CFAP299: variants seen among roughly 807,000 people sequenced by gnomAD.
The protein encoded by CFAP299 is cilia and flagella associated protein 299, also known as cilia- and flagella-associated protein 299.
Under a neutral mutation model 27.0 loss-of-function variants are expected in CFAP299, and 21 were observed. That is an observed-to-expected ratio of 0.78 (90% CI 0.55 to 1.12). The LOEUF (loss-of-function observed/expected upper bound fraction) is 1.12. Among genes scored for constraint, CFAP299 ranks in the 50% most tolerant of loss-of-function variants. CFAP299 has a pLI of 0.00. For synonymous variants in CFAP299, 104 were observed against 98.1 expected (o/e 1.06, Z -0.36); for missense variants, 310 against 276.6 (o/e 1.12, Z -0.86).
chr4:80,661,190 G>T (rs369554273), intron 3 of CFAP299, among the ~76,000 whole-genome samples: 11 of 152,072 alleles, frequency 7.2e-5, no homozygotes, highest in East Asian at 5.8e-4. Flanking sequence ...ATCGGATGTG[G>T]TTGCGTGCTC....
chr4:80,915,895 A>G (rs1280184579), intron 4 of CFAP299, among the ~76,000 whole-genome samples: 2 of 151,958 alleles, frequency 1.3e-5, no homozygotes, highest in Non-Finnish European at 2.9e-5. Context: ...TATCAAATAT[A>G]TATTAGGTGT....
chr4:80,828,167 A>AT (rs961097358), intron 3 of CFAP299, among the ~76,000 whole-genome samples: 45 of 150,840 alleles, frequency 3.0e-4, no homozygotes, highest in Admixed American at 1.1e-3. Flanking sequence ...TTGCAATGAC[A>AT]TTTTTTTTTG....
intron 1 of CFAP299, among the ~76,000 whole-genome samples, chr4:80,353,560 C>T (rs1219773188): frequency 2.0e-5 from 3 of 152,184 alleles, no homozygotes; most frequent in African/African-American, 7.2e-5. Flanking sequence ...TTGAGTATGC[C>T]ATGCTTTCTG....
At chr4:80,959,536 A>G (rs546132858) in intron 5 of CFAP299, among the ~76,000 whole-genome samples, 1 of 152,246 alleles carries the variant, frequency 6.6e-6, no homozygotes, top group African/African-American at 2.4e-5. Context: ...AACTTCTCAT[A>G]AAGCATATAA....
intron 5 of CFAP299, among the ~76,000 whole-genome samples, chr4:80,954,932 G>A (rs969893860): frequency 3.4e-4 from 47 of 136,268 alleles, no homozygotes; most frequent in Admixed American, 3.3e-3. Context: ...CCCAGGAGAC[G>A]GAGCTTGCAG....
intron 2 of CFAP299, among the ~76,000 whole-genome samples, chr4:80,425,055 T>C (rs1727468437): frequency 6.6e-6 from 1 of 152,076 alleles, no homozygotes; most frequent in Non-Finnish European, 1.5e-5. Flanking sequence ...ACAAGCCCTC[T>C]AAGACATACG....
intron 3 of CFAP299, among the ~76,000 whole-genome samples, chr4:80,781,110 G>T (rs1560748221): frequency 6.6e-6 from 1 of 152,042 alleles, no homozygotes; most frequent in East Asian, 1.9e-4. Context: ...GAAAAATTCA[G>T]TTGCCTTCTA....
intron 2 of CFAP299, chr4:80,386,988 C>A: frequency 9.4e-7 from 1 of 1,066,740 alleles, no homozygotes; most frequent in South Asian, 1.2e-5. Context: ...CTTGAACCTG[C>A]CCCCACTGCG....
chr4:80,347,568 T>C (rs1722796921), intron 1 of CFAP299, among the ~76,000 whole-genome samples: 1 of 152,110 alleles, frequency 6.6e-6, no homozygotes, highest in South Asian at 2.1e-4. Flanking sequence ...AGAATAGAGC[T>C]AACAAGGAAA....
chr4:80,423,567 G>C (rs905059131), intron 2 of CFAP299, among the ~76,000 whole-genome samples: 7 of 152,164 alleles, frequency 4.6e-5, no homozygotes, highest in Non-Finnish European at 1.0e-4. Flanking sequence ...CTCTCTGGGA[G>C]CTCTCTGACC....
At chr4:80,800,218 T>G (rs1378927856) in intron 3 of CFAP299, among the ~76,000 whole-genome samples, 1 of 72,884 alleles carries the variant, frequency 1.4e-5, no homozygotes, top group East Asian at 4.7e-4. Context: ...ATAATATATA[T>G]TATAATATAT....
At chr4:80,957,944 G>A (rs1219869227) in intron 5 of CFAP299, among the ~76,000 whole-genome samples, 1 of 152,112 alleles carries the variant, frequency 6.6e-6, no homozygotes, top group Non-Finnish European at 1.5e-5. Flanking sequence ...GTCACCTTAA[G>A]TTTGCATTGT....
intron 3 of CFAP299, among the ~76,000 whole-genome samples, chr4:80,779,117 G>T (rs1375118931): frequency 6.6e-6 from 1 of 152,038 alleles, no homozygotes; most frequent in African/African-American, 2.4e-5. Context: ...AAAAACACCT[G>T]ATGTACAAAG....
At chr4:80,523,619 T>A (rs1733026515) in intron 2 of CFAP299, among the ~76,000 whole-genome samples, 1 of 152,062 alleles carries the variant, frequency 6.6e-6, no homozygotes. Flanking sequence ...TAGAAAAAAA[T>A]ATGAAGGAAG....
intron 3 of CFAP299, among the ~76,000 whole-genome samples, chr4:80,760,429 A>G (rs1286038195): frequency 2.0e-5 from 3 of 152,174 alleles, no homozygotes; most frequent in African/African-American, 7.2e-5. Flanking sequence ...CTTTCCCACC[A>G]TATGTAACCA....
chr4:80,596,415 G>A (rs1204106561), intron 3 of CFAP299, among the ~76,000 whole-genome samples: 1 of 152,168 alleles, frequency 6.6e-6, no homozygotes, highest in Non-Finnish European at 1.5e-5. Context: ...GAGCAATATA[G>A]AATAATACTG....
At chr4:80,705,986 TA>T (rs778348330) in intron 3 of CFAP299, among the ~76,000 whole-genome samples, 4 of 151,804 alleles carry the variant, frequency 2.6e-5, no homozygotes, top group African/African-American at 9.7e-5. Context: ...TTTTGAATTG[TA>T]AAAAATTTCT....
chr4:80,922,226 G>A (rs1349017137), intron 4 of CFAP299, among the ~76,000 whole-genome samples: 2 of 151,992 alleles, frequency 1.3e-5, no homozygotes, highest in Non-Finnish European at 2.9e-5. Context: ...TAGGAGTGGT[G>A]ACTCTGTTCA....
chr4:80,606,521 C>T (rs539409511), intron 3 of CFAP299, among the ~76,000 whole-genome samples: 28 of 151,816 alleles, frequency 1.8e-4, no homozygotes, highest in Non-Finnish European at 3.1e-4. Context: ...GGCAACAGAG[C>T]GAGAATCTGT....
Sources: gnomAD v4.1 joint callset for allele counts (sites outside exome capture counted in the v4.1 genomes callset) on GRCh38, gnomAD v4.1.1 for gene constraint, MANE v1.5 for transcripts, NCBI Gene and HGNC (gene_info 2026-07-23, HGNC 2026-07-21) for gene names.